The following ASTN2 variants were observed in gnomAD, a reference collection of about 807,000 sequenced individuals.
ASTN2 encodes the protein astrotactin-2.
A neutral mutation model predicts 139.8 loss-of-function variants in ASTN2; 54 were observed. The observed-to-expected ratio is 0.39, with a 90% CI of 0.31 to 0.48. The LOEUF is 0.48. Among genes scored for constraint, ASTN2 ranks in the 20% least tolerant of loss-of-function variants. The probability of loss-of-function intolerance (pLI) is 0.95; values close to 1 mark genes in which losing one functional copy is unlikely to be tolerated. For missense variants in ASTN2, 1,565 were observed against 1,725.1 expected (o/e 0.91, Z 1.64); for synonymous variants, 756 against 719.5 (o/e 1.05, Z -0.81).
At chr9:116,660,513 G>C (rs1858498891) in intron 16 of ASTN2, among the ~76,000 whole-genome samples, 1 of 152,104 alleles carries the variant, frequency 6.6e-6, no homozygotes, top group Admixed American at 6.6e-5. Context: ...GGATTATTTG[G>C]AGGATAAATG....
rs10983200 is a variant in ASTN2 at position 116,505,565 on chromosome 9, T to G, written c.3356-18065A>C. 0.019 allele frequency among the ~76,000 whole-genome samples: 2,834 copies of G among 152,290 alleles called. 376 individuals are homozygous for G. In the South Asian group the frequency reaches 0.28, roughly 15 times the overall value. ...ACAGGAATAAGAAGTATTACCATTT[T>G]AATAGAATGTTTCAAGGATTCAATG... On this transcript the variant is annotated intron_variant, in intron 19 of 22. Coordinates refer to ENST00000313400, the MANE Select transcript of ASTN2 (RefSeq NM_001365068.1).
At chr9:117,238,317 G>A (rs1436521220) in intron 2 of ASTN2, among the ~76,000 whole-genome samples, 2 of 152,280 alleles carry the variant, frequency 1.3e-5, no homozygotes, top group South Asian at 2.1e-4. Context: ...ATAGTGAGAT[G>A]TCAGGGATAT....
intron 17 of ASTN2, among the ~76,000 whole-genome samples, chr9:116,630,971 T>C (rs1213198871): frequency 6.6e-6 from 1 of 152,074 alleles, no homozygotes; most frequent in African/African-American, 2.4e-5. Flanking sequence ...ACATCACTAA[T>C]TATCAGGGAA....
At chr9:117,294,265 C>A (rs1451607593) in intron 1 of ASTN2, among the ~76,000 whole-genome samples, 2 of 152,228 alleles carry the variant, frequency 1.3e-5, no homozygotes, top group Non-Finnish European at 2.9e-5. Flanking sequence ...CTAGATTGAG[C>A]TCTTTGTTTG....
intron 2 of ASTN2, among the ~76,000 whole-genome samples, chr9:117,219,640 G>T (rs888913811): frequency 6.6e-6 from 1 of 152,214 alleles, no homozygotes; most frequent in African/African-American, 2.4e-5. Context: ...TTGCTTCTGT[G>T]AGGTTGTAAG....
chr9:116,774,921 A>C (rs943552032), intron 13 of ASTN2, among the ~76,000 whole-genome samples: 1 of 152,200 alleles, frequency 6.6e-6, no homozygotes, highest in African/African-American at 2.4e-5. Context: ...TGCATAATGC[A>C]TGGGACCACC....
At chr9:116,948,497 T>C (rs1835460391) in intron 10 of ASTN2, among the ~76,000 whole-genome samples, 1 of 152,108 alleles carries the variant, frequency 6.6e-6, no homozygotes, top group Non-Finnish European at 1.5e-5. Flanking sequence ...ATATTACTGG[T>C]ATAACTTTAA....
At chr9:117,206,146 T>G (rs1312992499) in intron 3 of ASTN2, among the ~76,000 whole-genome samples, 1 of 151,992 alleles carries the variant, frequency 6.6e-6, no homozygotes, top group East Asian at 1.9e-4. Flanking sequence ...TTGACCTGAG[T>G]GTCGTCGAAG....
At chr9:117,087,495 C>T (rs879089636) in intron 5 of ASTN2, among the ~76,000 whole-genome samples, 39 of 152,174 alleles carry the variant, frequency 2.6e-4, no homozygotes, top group African/African-American at 8.7e-4. Flanking sequence ...CCCAAAGTAC[C>T]GAGATTACAG....
intron 17 of ASTN2, among the ~76,000 whole-genome samples, chr9:116,624,073 G>T (rs1437989714): frequency 2.6e-5 from 4 of 152,012 alleles, no homozygotes; most frequent in Non-Finnish European, 5.9e-5. Flanking sequence ...CATAACGAAG[G>T]TTTGCATTTC....
chr9:116,602,094 T>C (rs1854931156), intron 19 of ASTN2, among the ~76,000 whole-genome samples: 1 of 152,106 alleles, frequency 6.6e-6, no homozygotes, highest in Admixed American at 6.6e-5. Context: ...GTAGAATGCA[T>C]AGAGATATGA....
chr9:116,534,012 G>A (rs947179571), intron 19 of ASTN2, among the ~76,000 whole-genome samples: 1 of 152,126 alleles, frequency 6.6e-6, no homozygotes, highest in African/African-American at 2.4e-5. Flanking sequence ...TGGTTGGTAG[G>A]CTTTAAATTA....
chr9:117,127,799 G>A (rs998035243), intron 4 of ASTN2, among the ~76,000 whole-genome samples: 6 of 144,588 alleles, frequency 4.1e-5, no homozygotes, highest in Admixed American at 2.2e-4. Flanking sequence ...TCCTGCTTCA[G>A]CCTCCCCAGT....
intron 10 of ASTN2, among the ~76,000 whole-genome samples, chr9:116,946,832 CT>C (rs953120372): frequency 6.7e-6 from 1 of 148,922 alleles, no homozygotes; most frequent in African/African-American, 2.5e-5. Flanking sequence ...AATGTGCCAC[CT>C]TTATCTTTTA....
chr9:116,606,185 G>GCCCCATTTCTGCTCAAAA (rs1270868819), intron 19 of ASTN2, among the ~76,000 whole-genome samples: 1 of 152,076 alleles, frequency 6.6e-6, no homozygotes, highest in African/African-American at 2.4e-5. Context: ...CCCACAACAA[G>GCCCCATTTCTGCTCAAAA]CCCCATTTCT....
intron 10 of ASTN2, among the ~76,000 whole-genome samples, chr9:116,882,715 A>G (rs1362607377): frequency 6.6e-6 from 1 of 151,918 alleles, no homozygotes; most frequent in Non-Finnish European, 1.5e-5. Context: ...TGATCCCAGC[A>G]CTCTGGGAGG....
intron 19 of ASTN2, among the ~76,000 whole-genome samples, chr9:116,515,724 C>T (rs1564335185): frequency 6.6e-6 from 1 of 152,198 alleles, no homozygotes; most frequent in Non-Finnish European, 1.5e-5. Context: ...CTCCTACATG[C>T]AGGCTGCTTA....
At chr9:116,653,097 T>C (rs1858015507) in intron 16 of ASTN2, among the ~76,000 whole-genome samples, 1 of 152,224 alleles carries the variant, frequency 6.6e-6, no homozygotes, top group Non-Finnish European at 1.5e-5. Flanking sequence ...TTATCAACTC[T>C]TGGAGATCAG....
chr9:116,625,468 T>C (rs1054779934), intron 17 of ASTN2, among the ~76,000 whole-genome samples: 8 of 152,142 alleles, frequency 5.3e-5, no homozygotes, highest in Admixed American at 2.0e-4. Context: ...TCTGGCCCCA[T>C]TGCTGTCTCC....
Sources: allele counts gnomAD v4.1 joint callset (sites outside exome capture counted in the v4.1 genomes callset), GRCh38; gene constraint gnomAD v4.1.1; transcripts MANE v1.5; gene names NCBI Gene and HGNC (gene_info 2026-07-23, HGNC 2026-07-21).